The following RELCH variants were observed in gnomAD, a reference collection of about 807,000 sequenced individuals.
RELCH encodes RAB11 binding and LisH domain, coiled-coil and HEAT repeat containing, also known as RAB11-binding protein RELCH.
RELCH carries 41 observed loss-of-function variants against 150.3 expected under a neutral mutation model. The ratio of observed to expected loss-of-function variants is 0.27; its 90% CI spans 0.21 to 0.35. RELCH has a LOEUF of 0.35. Among genes scored for constraint, RELCH ranks in the 10% least tolerant of loss-of-function variants. The pLI, the probability that RELCH is intolerant of heterozygous loss-of-function variation, is 1.00. For synonymous variants in RELCH, 478 were observed against 531.8 expected, an observed-to-expected ratio of 0.90 and a Z score of 1.39; for missense variants, 1,092 against 1,467.8, an observed-to-expected ratio of 0.74 and a Z score of 4.18.
chr18:62,304,066 A>T (rs1444945551), intron 28 of RELCH, among the ~76,000 whole-genome samples: 1 of 152,214 alleles, frequency 6.6e-6, no homozygotes, highest in East Asian at 1.9e-4. Context: ...GGAAAATAGT[A>T]GAACCACTGG....
chr18:62,223,328 T>G (rs1248679786), intron 5 of RELCH, among the ~76,000 whole-genome samples: 5 of 151,664 alleles, frequency 3.3e-5, no homozygotes, highest in African/African-American at 1.2e-4. Context: ...ATTAGAAGAA[T>G]AATAAAAGAA....
chr18:62,255,091 G>A (rs1436067392), intron 12 of RELCH, among the ~76,000 whole-genome samples: 1 of 152,060 alleles, frequency 6.6e-6, no homozygotes, highest in Non-Finnish European at 1.5e-5. Context: ...ACTCTTGCTA[G>A]GGAAAGGTCC....
At chr18:62,216,198 G>A (rs1188380363) in intron 2 of RELCH, among the ~76,000 whole-genome samples, 1 of 151,950 alleles carries the variant, frequency 6.6e-6, no homozygotes, top group Non-Finnish European at 1.5e-5. Context: ...TCAAGCATCT[G>A]CTACGTGTTA....
chr18:62,234,481 T>C (rs910562121), intron 10 of RELCH, among the ~76,000 whole-genome samples: 1 of 151,914 alleles, frequency 6.6e-6, no homozygotes, highest in African/African-American at 2.4e-5. Flanking sequence ...GACTTCTTAT[T>C]TCTCAAGTTT....
chr18:62,282,306 T>C lies in RELCH; in HGVS notation c.3115T>C (p.Leu1039=). Residue 1039 remains leucine (L), a splice_region_variant and synonymous_variant, in exon 25 of 29, where the codon TTG becomes CTG. Transcript: ENST00000644646. ...TIMETVIQRE[L]LERVKMQLAS... is the part of the protein sequence containing the mutation. ...TGACTGTACAATATCCAATTTTAAGTTGCTGGAAAGAGTGAAAATGCAGTT... is the reference window on the plus strand; with the variant it reads ...TGACTGTACAATATCCAATTTTAAGCTGCTGGAAAGAGTGAAAATGCAGTT... 1 of 1,612,384 alleles carries C rather than the reference T, an allele frequency of 6.2e-7. No homozygotes were observed.
chr18:62,209,169 A>G (rs1599837948), intron 1 of RELCH, among the ~76,000 whole-genome samples: 1 of 152,180 alleles, frequency 6.6e-6, no homozygotes, highest in Non-Finnish European at 1.5e-5. Flanking sequence ...GTGAGGAGCC[A>G]TTTTTCTGCT....
chr18:62,245,363 C>T (rs1439396978), intron 11 of RELCH, among the ~76,000 whole-genome samples: 1 of 152,176 alleles, frequency 6.6e-6, no homozygotes. Flanking sequence ...ATGGCTCATG[C>T]CTGTAATCCC....
intron 27 of RELCH, among the ~76,000 whole-genome samples, chr18:62,296,542 C>T (rs1024614914): frequency 1.7e-4 from 26 of 151,968 alleles, no homozygotes; most frequent in African/African-American, 5.5e-4. Context: ...GCCAAGATCA[C>T]GCCATTGCAC....
At chr18:62,261,123 T>C (rs2043249408) in intron 15 of RELCH, among the ~76,000 whole-genome samples, 1 of 152,014 alleles carries the variant, frequency 6.6e-6, no homozygotes, top group African/African-American at 2.4e-5. Flanking sequence ...TTACACATTG[T>C]ATGCCTGTAT....
At chr18:62,193,440 C>G (rs2038795347) in intron 1 of RELCH, among the ~76,000 whole-genome samples, 1 of 152,100 alleles carries the variant, frequency 6.6e-6, no homozygotes, top group African/African-American at 2.4e-5. Context: ...TTGTCTTGTG[C>G]CAGTTTTCAA....
intron 12 of RELCH, among the ~76,000 whole-genome samples, chr18:62,254,422 C>T (rs991724873): frequency 8.0e-4 from 121 of 152,100 alleles, no homozygotes; most frequent in African/African-American, 2.8e-3. Context: ...TATAGACATA[C>T]AATTGATTTT....
At chr18:62,206,983 T>G (rs2148282279) in intron 1 of RELCH, among the ~76,000 whole-genome samples, 1 of 152,278 alleles carries the variant, frequency 6.6e-6, no homozygotes, top group East Asian at 1.9e-4. Flanking sequence ...CAAGTGATCC[T>G]CCCACCTCAG....
Position 62,236,067 on chromosome 18 carries a change from G to C in RELCH, c.1620+3640G>C, listed in dbSNP as rs564486290. ...AGGAAAGCTTCAATCTTTCACCATT[G>C]ACTATGATGTTTGCTATAGAATTTT... is the stretch of plus-strand genomic sequence containing the variant. On this transcript the variant is annotated intron_variant, in intron 10 of 28. Coordinates refer to ENST00000644646, the MANE Select transcript of RELCH (RefSeq NM_001346231.2). Among the ~76,000 whole-genome samples, 5 of 152,006 alleles carry C rather than the reference G, an allele frequency of 3.3e-5. No homozygotes were observed. In the South Asian group the frequency reaches 1.0e-3, roughly 31 times the overall value.
chr18:62,275,314 G>T, intron 21 of RELCH, 60 bp from the exon 22 acceptor site: 3 of 775,640 alleles, frequency 3.9e-6, no homozygotes, highest in Non-Finnish European at 6.1e-6. Flanking sequence ...GTGTTTTTCA[G>T]TTCACTAGTA....
intron 2 of RELCH, among the ~76,000 whole-genome samples, chr18:62,214,291 T>A (rs1016716679): frequency 1.2e-4 from 18 of 152,074 alleles, no homozygotes; most frequent in East Asian, 1.9e-4. Context: ...AAACTTTTTT[T>A]AAAAAAATTT....
intron 22 of RELCH, among the ~76,000 whole-genome samples, chr18:62,279,016 C>T (rs1415818653): frequency 6.6e-6 from 1 of 152,078 alleles, no homozygotes; most frequent in Non-Finnish European, 1.5e-5. Context: ...GTTTGTCAGG[C>T]ACAGTATTTA....
intron 24 of RELCH, among the ~76,000 whole-genome samples, 161 bp from the exon 25 acceptor site, chr18:62,282,145 A>T (rs1323464399): frequency 6.6e-6 from 1 of 152,232 alleles, no homozygotes; most frequent in African/African-American, 2.4e-5. Context: ...GAGCCAAAAG[A>T]TTAAATAACT....
At chr18:62,207,577 C>T (rs1464231604) in intron 1 of RELCH, among the ~76,000 whole-genome samples, 2 of 152,196 alleles carry the variant, frequency 1.3e-5, no homozygotes, top group East Asian at 3.8e-4. Flanking sequence ...AAACTGTATT[C>T]CAAAATGTCC....
chr18:62,268,840 G>GT (rs766817481), intron 19 of RELCH, 29 bp from the exon 20 acceptor site: 30 of 1,186,722 alleles, frequency 2.5e-5, no homozygotes, highest in Non-Finnish European at 3.3e-5. Context: ...ATATACTTAT[G>GT]TTTTTTTAAA....
Sources: allele counts gnomAD v4.1 joint callset (sites outside exome capture counted in the v4.1 genomes callset), GRCh38; gene constraint gnomAD v4.1.1; transcripts MANE v1.5; gene names NCBI Gene and HGNC (gene_info 2026-07-23, HGNC 2026-07-21).